The following PDE7B variants were observed in gnomAD, a reference collection of about 807,000 sequenced individuals.
The protein encoded by PDE7B is phosphodiesterase 7B.
PDE7B carries 29 observed loss-of-function variants against 56.2 expected under a neutral mutation model. The ratio of observed to expected loss-of-function variants is 0.52; its 90% CI spans 0.38 to 0.70. PDE7B has a LOEUF of 0.70. Ranked by LOEUF, PDE7B falls within the 30% of genes least tolerant of loss-of-function variation. PDE7B has a pLI of 0.00. For synonymous variants in PDE7B, 197 were observed against 196.9 expected (o/e 1.00, Z 0.00); for missense variants, 490 against 565.0 (o/e 0.87, Z 1.35).
chr6:135,855,115 G>C (rs1775001829), intron 1 of PDE7B, among the ~76,000 whole-genome samples: 1 of 152,168 alleles, frequency 6.6e-6, no homozygotes, highest in African/African-American at 2.4e-5. Flanking sequence ...CTTGACCTCA[G>C]TTTCCTCAAT....
chr6:135,864,064 C>A (rs1201146998), intron 1 of PDE7B, among the ~76,000 whole-genome samples: 2 of 151,994 alleles, frequency 1.3e-5, no homozygotes, highest in Non-Finnish European at 2.9e-5. Context: ...AATTGCACTG[C>A]CCCCTTTCCG....
chr6:136,025,515 A>G (rs895654765), intron 2 of PDE7B, among the ~76,000 whole-genome samples: 2 of 152,204 alleles, frequency 1.3e-5, no homozygotes, highest in African/African-American at 2.4e-5. Context: ...GTAGTTGAAG[A>G]TCCTAAATGT....
At chr6:135,925,903 A>G (rs556924006) in intron 1 of PDE7B, among the ~76,000 whole-genome samples, 1 of 152,194 alleles carries the variant, frequency 6.6e-6, no homozygotes, top group African/African-American at 2.4e-5. Flanking sequence ...TGAAAATTGT[A>G]GGTGAGAAGC....
chr6:135,897,928 G>A lies in PDE7B; in HGVS notation c.21+45909G>A, dbSNP rs185104634. 3.5e-3 allele frequency among the ~76,000 whole-genome samples: 537 copies of A among 152,244 alleles called. 5 individuals carry two copies. The highest frequency in any genetic ancestry group is 0.012 in the African/African-American group (516 of 41,544). On this transcript the variant is annotated intron_variant, in intron 1 of 12. Transcript: ENST00000308191. Reference sequence around the variant, plus strand: ...TTGGTCTTTTCCTTGAGCTTCTTGCGCTGCAAGACAGCTGCTGCTGTTCCA... The same window carrying A: ...TTGGTCTTTTCCTTGAGCTTCTTGCACTGCAAGACAGCTGCTGCTGTTCCA...
intron 2 of PDE7B, among the ~76,000 whole-genome samples, chr6:136,089,914 G>A (rs1777357938): frequency 1.3e-5 from 2 of 151,900 alleles, no homozygotes; most frequent in African/African-American, 4.8e-5. Flanking sequence ...TATTTTGTAG[G>A]AGCTACCATA....
At chr6:135,895,797 G>C (rs915839494) in intron 1 of PDE7B, among the ~76,000 whole-genome samples, 2 of 151,964 alleles carry the variant, frequency 1.3e-5, no homozygotes, top group African/African-American at 4.8e-5. Flanking sequence ...GAGGGGCAAA[G>C]GGAAAAAAGG....
At chr6:136,084,866 G>C (rs542511452) in intron 2 of PDE7B, among the ~76,000 whole-genome samples, 2 of 152,106 alleles carry the variant, frequency 1.3e-5, no homozygotes, top group South Asian at 4.1e-4. Flanking sequence ...ATAATTTGCA[G>C]GGGGTTCATT....
chr6:136,163,580 T>G (rs895268467), intron 8 of PDE7B, among the ~76,000 whole-genome samples: 1 of 152,264 alleles, frequency 6.6e-6, no homozygotes, highest in Non-Finnish European at 1.5e-5. Flanking sequence ...TTGTTACTTA[T>G]GCAAATTTCT....
In PDE7B at chr6:135,908,125, G is replaced by A. The variant is rs111501159; in HGVS notation, c.22-39339G>A. ...TTTCTTGAGACGGAGTTTTGCTCTTGTCGCCCAGGCTGAACTGCAGTGGTG... is the reference window on the plus strand; with the variant it reads ...TTTCTTGAGACGGAGTTTTGCTCTTATCGCCCAGGCTGAACTGCAGTGGTG... On this transcript the variant is annotated intron_variant, in intron 1 of 12. Coordinates refer to ENST00000308191, the MANE Select transcript of PDE7B (RefSeq NM_018945.4). Among the ~76,000 whole-genome samples the A allele has an allele frequency of 3.4e-3, 497 of 147,816 alleles. 3 individuals carry two copies. The highest frequency in any genetic ancestry group is 0.012 in the African/African-American group (466 of 40,026).
intron 2 of PDE7B, among the ~76,000 whole-genome samples, chr6:135,979,017 C>T (rs1775244871): frequency 6.6e-6 from 1 of 151,946 alleles, no homozygotes; most frequent in African/African-American, 2.4e-5. Context: ...GTGGGTCTGT[C>T]ATAGACAGCT....
chr6:136,129,432 T>C, intron 3 of PDE7B, among the ~76,000 whole-genome samples: 1 of 152,176 alleles, frequency 6.6e-6, no homozygotes, highest in Admixed American at 6.5e-5. Context: ...CCACACTACT[T>C]GCCCACTAGA....
At chr6:136,170,487 C>A (rs1406950715) in intron 8 of PDE7B, among the ~76,000 whole-genome samples, 2 of 152,118 alleles carry the variant, frequency 1.3e-5, no homozygotes, top group Non-Finnish European at 2.9e-5. Flanking sequence ...GGCAACCACC[C>A]ATTCTACTTT....
chr6:135,934,599 G>T (rs1043882454), intron 1 of PDE7B, among the ~76,000 whole-genome samples: 1 of 149,546 alleles, frequency 6.7e-6, no homozygotes, highest in Non-Finnish European at 1.5e-5. Context: ...GCATGGTGGT[G>T]GGTGCCTGTA....
chr6:136,110,950 A>C (rs1323185344), intron 3 of PDE7B: 1 of 152,142 alleles, frequency 6.6e-6, no homozygotes, highest in South Asian at 2.1e-4. Flanking sequence ...CTGGCCCTGG[A>C]TGCTGCCTGC....
At chr6:136,169,311 A>G (rs1464893740) in intron 8 of PDE7B, among the ~76,000 whole-genome samples, 4 of 152,098 alleles carry the variant, frequency 2.6e-5, no homozygotes, top group Non-Finnish European at 5.9e-5. Context: ...TTCATGCATA[A>G]TGACTCTTCC....
chr6:135,958,683 CA>C (rs1466466428), intron 2 of PDE7B, among the ~76,000 whole-genome samples: 1 of 152,104 alleles, frequency 6.6e-6, no homozygotes, highest in African/African-American at 2.4e-5. Context: ...TACTTGTTCT[CA>C]TTATATCAAT....
intron 8 of PDE7B, among the ~76,000 whole-genome samples, chr6:136,163,007 C>T (rs535215212): frequency 8.8e-4 from 134 of 152,308 alleles, no homozygotes; most frequent in African/African-American, 3.0e-3. Context: ...GTGTCTGTGG[C>T]TTTTCCAGGT....
At chr6:135,863,093 C>T (rs973844070) in intron 1 of PDE7B, among the ~76,000 whole-genome samples, 12 of 151,828 alleles carry the variant, frequency 7.9e-5, no homozygotes, top group African/African-American at 2.4e-4. Context: ...CTTTTCTAAA[C>T]GTATTACATG....
At position 136,149,132 on chromosome 6, in the gene PDE7B, T is replaced by C; in HGVS notation, c.364T>C (p.Phe122Leu). 2 of 1,610,720 alleles carry C rather than the reference T, an allele frequency of 1.2e-6. No homozygotes were observed. The highest frequency in any genetic ancestry group is 1.7e-6 in the Non-Finnish European group (2 of 1,176,928). ...AATGTGGGATTTTGACATTTTCTTG[T>C]TTGATCGCTTGACAAATGGTAAGTT... is the stretch of plus-strand genomic sequence containing the variant. ...VGMWDFDIFLFDRLTNGNSLV... is the reference protein window; with the variant it reads ...VGMWDFDIFLLDRLTNGNSLV... The change falls in exon 5 of 13, where the codon TTT (phenylalanine) becomes CTT (leucine). Residue 122 changes from phenylalanine (F) to leucine (L), a missense_variant. Coordinates refer to ENST00000308191, the MANE Select transcript of PDE7B (RefSeq NM_018945.4).
Sources: allele counts gnomAD v4.1 joint callset (sites outside exome capture counted in the v4.1 genomes callset), GRCh38; gene constraint gnomAD v4.1.1; transcripts MANE v1.5; gene names NCBI Gene and HGNC (gene_info 2026-07-23, HGNC 2026-07-21).